Variants in SLC7A14 observed in about 807,000 individuals in gnomAD.
SLC7A14 encodes solute carrier family 7 member 14.
In SLC7A14, 37 loss-of-function variants were observed where a neutral mutation model predicts 60.2. The ratio of observed to expected loss-of-function variants is 0.61; its 90% CI spans 0.47 to 0.81. The LOEUF is 0.81. Among genes scored for constraint, SLC7A14 ranks in the 30% least tolerant of loss-of-function variants. The probability of loss-of-function intolerance (pLI) is 0.00; values close to 1 mark genes in which losing one functional copy is unlikely to be tolerated. For missense variants in SLC7A14, 886 were observed against 982.7 expected (o/e 0.90, Z 1.32); for synonymous variants, 399 against 395.8 (o/e 1.01, Z -0.10).
chr3:170,526,745 G>T lies in SLC7A14; in HGVS notation c.192C>A (p.Gly64=). Residue 64 remains glycine, a synonymous_variant, in exon 2 of 8, where the codon GGC becomes GGA. Transcript: ENST00000231706. ...CATACATGCCAGTGCCCACACAGCTGCCAACGCCAAGAGAGATGAGGTCCA... is the reference window on the plus strand; with the variant it reads ...CATACATGCCAGTGCCCACACAGCTTCCAACGCCAAGAGAGATGAGGTCCA... ...TTVDLISLGV[G]SCVGTGMYVV... is the part of the protein sequence containing the mutation. The T allele has an allele frequency of 6.2e-7, 1 of 1,614,256 alleles. No homozygotes were observed. The highest frequency in any genetic ancestry group is 8.5e-7 in the Non-Finnish European group (1 of 1,180,050).
At chr3:170,472,348 G>A (rs1466747023) in intron 7 of SLC7A14, among the ~76,000 whole-genome samples, 2 of 145,416 alleles carry the variant, frequency 1.4e-5, no homozygotes, top group Non-Finnish European at 1.5e-5. Context: ...CAGCCTGGGC[G>A]ACAGAGTGAG....
At position 170,535,282 on chromosome 3, in the gene SLC7A14, T is replaced by C. The variant is rs965482211; in HGVS notation, c.-152-8194A>G. On this transcript the variant is annotated intron_variant, in intron 1 of 7. Transcript: ENST00000231706. The surrounding 1 kb of genome is among the most constrained non-coding windows in gnomAD (Gnocchi z 4.3). ...AACCAGAGTTCAGGAAATGAAAAAC[T>C]CTTCATTAATCAGATATTACTGGGA... 3.3e-5 allele frequency among the ~76,000 whole-genome samples: 5 copies of C among 152,052 alleles called. No individual in the cohort carries two copies. The highest frequency in any genetic ancestry group is 7.4e-5 in the Non-Finnish European group (5 of 68,004).
chr3:170,582,150 A>G (rs566584904), intron 1 of SLC7A14, among the ~76,000 whole-genome samples: 2 of 152,298 alleles, frequency 1.3e-5, no homozygotes, highest in East Asian at 3.9e-4. Context: ...TGTCCTAGGT[A>G]TCTTTGGGCT....
chr3:170,526,703 C>A lies in SLC7A14; in HGVS notation c.234G>T (p.Val78=). 1.2e-6 allele frequency: 2 copies of A among 1,614,238 alleles called. No homozygotes were observed. Among genetic ancestry groups the A allele is most frequent in the Non-Finnish European group, 1.7e-6 (2 of 1,180,050 alleles). ...CACCAGGTCCTGCCATTTCCTTGGC[C>A]ACCAGGCCAGAGACCACATACATGC... ...GTGMYVVSGL[V]AKEMAGPGVI... Residue 78 remains valine (V), a synonymous_variant, in exon 2 of 8, where the codon GTG becomes GTT. Coordinates refer to ENST00000231706, the MANE Select transcript of SLC7A14 (RefSeq NM_020949.3).
At chr3:170,519,502 C>T (rs965489389) in intron 2 of SLC7A14, among the ~76,000 whole-genome samples, 1 of 152,174 alleles carries the variant, frequency 6.6e-6, no homozygotes, top group Non-Finnish European at 1.5e-5. Flanking sequence ...AGGGGCCAGG[C>T]GCAGTGGCTC....
intron 1 of SLC7A14, among the ~76,000 whole-genome samples, chr3:170,569,281 G>A (rs570562432): frequency 2.6e-5 from 4 of 152,028 alleles, no homozygotes; most frequent in Admixed American, 2.0e-4. Flanking sequence ...TGTGGTTTTT[G>A]TCTTTGGTTC....
chr3:170,567,578 C>T (rs1223600654), intron 1 of SLC7A14, among the ~76,000 whole-genome samples: 7 of 150,548 alleles, frequency 4.6e-5, no homozygotes, highest in African/African-American at 1.5e-4. Flanking sequence ...CCTGAGGAAT[C>T]GCCACACTGA....
intron 1 of SLC7A14, among the ~76,000 whole-genome samples, chr3:170,573,803 A>G (rs1475253077): frequency 6.6e-6 from 1 of 152,164 alleles, no homozygotes; most frequent in African/African-American, 2.4e-5. Context: ...TGAATGGCAC[A>G]TTTCACAAGA....
At chr3:170,574,357 AG>A (rs1715031399) in intron 1 of SLC7A14, among the ~76,000 whole-genome samples, 1 of 152,220 alleles carries the variant, frequency 6.6e-6, no homozygotes, top group Non-Finnish European at 1.5e-5. Context: ...GTGGTTTGGC[AG>A]TTGTCTTTTT....
intron 4 of SLC7A14, among the ~76,000 whole-genome samples, chr3:170,491,961 T>C (rs1462489202): frequency 6.6e-6 from 1 of 152,142 alleles, no homozygotes; most frequent in Admixed American, 6.5e-5. Context: ...AAAGAGAAGA[T>C]AGAAAATTAG....
At chr3:170,579,680 C>T (rs1045238791) in intron 1 of SLC7A14, among the ~76,000 whole-genome samples, 9 of 152,212 alleles carry the variant, frequency 5.9e-5, no homozygotes, top group African/African-American at 2.2e-4. Flanking sequence ...TGCAATGTCG[C>T]TAGTTCTCCT....
At chr3:170,561,995 A>G (rs1323464877) in intron 1 of SLC7A14, among the ~76,000 whole-genome samples, 2 of 152,158 alleles carry the variant, frequency 1.3e-5, no homozygotes, top group South Asian at 4.1e-4. Flanking sequence ...AATATAATAG[A>G]TGTTGGCATG....
chr3:170,546,684 C>G (rs1714188430), intron 1 of SLC7A14, among the ~76,000 whole-genome samples: 1 of 152,190 alleles, frequency 6.6e-6, no homozygotes, highest in Non-Finnish European at 1.5e-5. Flanking sequence ...CCATGCTGGT[C>G]CCCTGTGCTC....
intron 1 of SLC7A14, among the ~76,000 whole-genome samples, chr3:170,554,227 G>A (rs1386839398): frequency 6.6e-6 from 1 of 152,200 alleles, no homozygotes; most frequent in Non-Finnish European, 1.5e-5. Flanking sequence ...GCATGGCTAG[G>A]AGTGATTAGA....
rs1290083117 is a variant in SLC7A14, at chr3:170,460,694, A to G, written c.*6361T>C. 2 of 152,186 alleles carry G rather than the reference A, an allele frequency of 1.3e-5. No homozygotes were observed. The highest frequency in any genetic ancestry group is 4.8e-5 in the African/African-American group (2 of 41,450). The allele number at this position is 152,186 out of a possible 1,614,324, so 9.4% of individuals were successfully genotyped here. The stretch of plus-strand genomic sequence containing the variant: ...TCAAGAAAACTTAACAGAAAAAAAA[A>G]AAAGCACAGAGTGAGTTCCTACCAT... On this transcript the variant is annotated 3_prime_UTR_variant, in exon 8 of 8. Coordinates refer to ENST00000231706, the MANE Select transcript of SLC7A14 (RefSeq NM_020949.3).
Position 170,577,383 on chromosome 3 carries a change from C to A in SLC7A14, c.-153+8528G>T, listed in dbSNP as rs569958784. 5.3e-5 allele frequency among the ~76,000 whole-genome samples: 8 copies of A among 152,056 alleles called. No homozygotes were observed. In the South Asian group the frequency reaches 1.7e-3, roughly 32 times the overall value. Reference sequence around the variant, plus strand: ...CCTGTAATCCCAGCACTTTGGGAGGCCGAGGCGGGTGGATCATGAGGTCAG... The same window carrying A: ...CCTGTAATCCCAGCACTTTGGGAGGACGAGGCGGGTGGATCATGAGGTCAG... On this transcript the variant is annotated intron_variant, in intron 1 of 7. Coordinates refer to ENST00000231706, the MANE Select transcript of SLC7A14 (RefSeq NM_020949.3).
At chr3:170,556,043 C>G (rs1026884803) in intron 1 of SLC7A14, among the ~76,000 whole-genome samples, 1 of 152,218 alleles carries the variant, frequency 6.6e-6, no homozygotes, top group Non-Finnish European at 1.5e-5. Flanking sequence ...AATGTGCAAT[C>G]TGGCACAAAG....
chr3:170,557,248 C>T (rs1023753134), intron 1 of SLC7A14, among the ~76,000 whole-genome samples: 1 of 151,240 alleles, frequency 6.6e-6, no homozygotes, highest in South Asian at 2.1e-4. Flanking sequence ...TATGGGGATC[C>T]ATTCGTAAGG....
intron 5 of SLC7A14, among the ~76,000 whole-genome samples, chr3:170,485,526 G>C (rs1462490694): frequency 6.6e-6 from 1 of 152,136 alleles, no homozygotes; most frequent in Non-Finnish European, 1.5e-5. Context: ...GGGGGATGTT[G>C]GATGCAGCTG....
Sources: allele counts gnomAD v4.1 joint callset (sites outside exome capture counted in the v4.1 genomes callset), GRCh38; gene constraint gnomAD v4.1.1; non-coding constraint Gnocchi (gnomAD v3.1); transcripts MANE v1.5; gene names NCBI Gene and HGNC (gene_info 2026-07-23, HGNC 2026-07-21).